MNAT1: variants seen among roughly 807,000 people sequenced by gnomAD.
MNAT1 encodes the protein MNAT1 component of CDK activating kinase, also known as CDK-activating kinase assembly factor MAT1.
A neutral mutation model predicts 42.0 loss-of-function variants in MNAT1; 43 were observed. The ratio of observed to expected loss-of-function variants is 1.02; its 90% CI spans 0.80 to 1.32. The LOEUF (loss-of-function observed/expected upper bound fraction) is 1.32, where lower values mean the gene tolerates loss of function less well. MNAT1 is among the 40% of genes most tolerant of loss of function. The pLI, the probability that MNAT1 is intolerant of heterozygous loss-of-function variation, is 0.00. For synonymous variants in MNAT1, 118 were observed against 120.0 expected (o/e 0.98, Z 0.11); for missense variants, 306 against 350.4 (o/e 0.87, Z 1.01).
intron 7 of MNAT1, among the ~76,000 whole-genome samples, chr14:60,884,706 T>A (rs1158824273): frequency 6.6e-6 from 1 of 152,106 alleles, no homozygotes. Context: ...ATCTTTTAGT[T>A]TTCCTACTTA....
At chr14:60,959,732 G>A (rs563541746) in intron 7 of MNAT1, among the ~76,000 whole-genome samples, 27 of 152,240 alleles carry the variant, frequency 1.8e-4, no homozygotes, top group Middle Eastern at 3.4e-3. Flanking sequence ...CATGGGTAGC[G>A]TCCAATTATT....
intron 1 of MNAT1, among the ~76,000 whole-genome samples, chr14:60,757,586 A>G (rs1207656317): frequency 6.6e-6 from 1 of 152,212 alleles, no homozygotes; most frequent in Non-Finnish European, 1.5e-5. Context: ...AATATCATTC[A>G]TGTTACTCCT....
rs149174954 is a variant in MNAT1 at position 60,827,743 on chromosome 14, T to A, written c.687+8896T>A. 5.1e-3 allele frequency among the ~76,000 whole-genome samples: 783 copies of A among 152,300 alleles called. 14 individuals are homozygous for A. The highest frequency in any genetic ancestry group is 0.018 in the African/African-American group (735 of 41,566). On this transcript the variant is annotated intron_variant, in intron 6 of 7. Coordinates refer to ENST00000261245, the MANE Select transcript of MNAT1 (RefSeq NM_002431.4). ...GATATGCACATAGCATTAATTTGAA[T>A]CTATAAAGGTATTTTGAAATGTAAA...
intron 7 of MNAT1, among the ~76,000 whole-genome samples, chr14:60,957,998 C>T (rs1211733622): frequency 2.0e-5 from 3 of 152,066 alleles, no homozygotes; most frequent in Admixed American, 6.6e-5. Context: ...CCACCACACC[C>T]AGCTAATTTT....
At chr14:60,811,882 G>A (rs559089540) in intron 4 of MNAT1, 105 bp from the exon 5 acceptor site, 1 of 735,366 alleles carries the variant, frequency 1.4e-6, no homozygotes, top group Non-Finnish European at 2.1e-6. Context: ...AATAATAAGT[G>A]ACTAGTGTGT....
chr14:60,813,848 C>A (rs1200196889), intron 5 of MNAT1, among the ~76,000 whole-genome samples: 2 of 152,000 alleles, frequency 1.3e-5, no homozygotes, highest in African/African-American at 4.8e-5. Flanking sequence ...AAAGTGATTT[C>A]CTAGATAAGA....
chr14:60,869,284 G>A lies in MNAT1; in HGVS notation c.688-10430G>A, dbSNP rs1004306710. On this transcript the variant is annotated intron_variant, in intron 6 of 7. Coordinates refer to ENST00000261245, the MANE Select transcript of MNAT1 (RefSeq NM_002431.4). Reference sequence around the variant, plus strand: ...TCAAACTGCTGAGCTCAAGCAATCCGCCTGCCTCGGCCTCCCAAAGTGCTA... The same window carrying A: ...TCAAACTGCTGAGCTCAAGCAATCCACCTGCCTCGGCCTCCCAAAGTGCTA... Among the ~76,000 whole-genome samples, 8 of 150,556 alleles carry A rather than the reference G, an allele frequency of 5.3e-5. No homozygotes were observed. In the East Asian group the frequency reaches 1.6e-3, roughly 29 times the overall value.
At chr14:60,886,843 T>G (rs1269968293) in intron 7 of MNAT1, among the ~76,000 whole-genome samples, 2 of 152,182 alleles carry the variant, frequency 1.3e-5, no homozygotes, top group Admixed American at 6.6e-5. Flanking sequence ...CTTGATTTCC[T>G]ATTTGGATGT....
intron 6 of MNAT1, among the ~76,000 whole-genome samples, chr14:60,827,755 T>C (rs1390872407): frequency 1.3e-5 from 2 of 152,196 alleles, no homozygotes. Flanking sequence ...TATAAAGGTA[T>C]TTTGAAATGT....
chr14:60,815,409 G>A (rs2032680999), intron 5 of MNAT1, among the ~76,000 whole-genome samples: 1 of 152,174 alleles, frequency 6.6e-6, no homozygotes, highest in Non-Finnish European at 1.5e-5. Flanking sequence ...TAGAGATGGG[G>A]TTTCACCATC....
intron 7 of MNAT1, among the ~76,000 whole-genome samples, chr14:60,910,055 G>A (rs1405103322): frequency 7.9e-5 from 12 of 152,206 alleles, no homozygotes; most frequent in South Asian, 4.2e-4. Context: ...TTGTAAGTTG[G>A]ATTCCTAGGT....
intron 1 of MNAT1, among the ~76,000 whole-genome samples, chr14:60,742,535 C>G (rs1896504898): frequency 6.6e-6 from 1 of 152,164 alleles, no homozygotes; most frequent in Non-Finnish European, 1.5e-5. Context: ...GAATATAATT[C>G]ACGTACCATA....
intron 7 of MNAT1, among the ~76,000 whole-genome samples, chr14:60,914,493 T>G (rs1337879001): frequency 2.6e-5 from 4 of 152,128 alleles, no homozygotes; most frequent in Non-Finnish European, 4.4e-5. Context: ...GTGTCTGGAT[T>G]GTTATTTTTA....
intron 3 of MNAT1, among the ~76,000 whole-genome samples, chr14:60,798,928 G>A (rs769935009): frequency 2.6e-4 from 39 of 151,952 alleles, no homozygotes; most frequent in Admixed American, 9.2e-4. Context: ...AAACTTAATA[G>A]GTAACTGTAC....
chr14:60,763,094 C>G (rs573404968), intron 1 of MNAT1, among the ~76,000 whole-genome samples: 1 of 151,958 alleles, frequency 6.6e-6, no homozygotes, highest in Non-Finnish European at 1.5e-5. Context: ...TCATACCTGG[C>G]TTTTTCTCCA....
intron 6 of MNAT1, among the ~76,000 whole-genome samples, chr14:60,860,178 A>AAC (rs1235717610): frequency 6.6e-6 from 1 of 152,132 alleles, no homozygotes. Context: ...TGTAATATTA[A>AAC]ACAACAGTCT....
chr14:60,759,124 A>T (rs1170450306), intron 1 of MNAT1, among the ~76,000 whole-genome samples: 1 of 152,198 alleles, frequency 6.6e-6, no homozygotes, highest in Non-Finnish European at 1.5e-5. Context: ...GTCTCCATTT[A>T]TCTGTTTACA....
chr14:60,808,361 C>G lies in MNAT1; in HGVS notation c.353C>G (p.Thr118Ser). 3 of 1,582,292 alleles carry G rather than the reference C, an allele frequency of 1.9e-6. No homozygotes were observed. The highest frequency in any genetic ancestry group is 2.6e-6 in the Non-Finnish European group (3 of 1,168,280). The change falls in exon 4 of 8, where the codon ACC becomes AGC. Residue 118 changes from threonine (T) to serine (S), a missense_variant. Physicochemically the swap from Thr to Ser is moderately conservative, Grantham distance 58. Coordinates refer to ENST00000261245, the MANE Select transcript of MNAT1 (RefSeq NM_002431.4). ...ACCAACAATGTGGATTTGGACAACACCAAAAAGAAAATGGAGATATACCAA... is the reference window on the plus strand; with the variant it reads ...ACCAACAATGTGGATTTGGACAACAGCAAAAAGAAAATGGAGATATACCAA... ...NLTNNVDLDNTKKKMEIYQKE... is the reference protein window; with the variant it reads ...NLTNNVDLDNSKKKMEIYQKE...
intron 7 of MNAT1, among the ~76,000 whole-genome samples, chr14:60,957,845 T>G (rs185016543): frequency 6.6e-6 from 1 of 151,640 alleles, no homozygotes; most frequent in Non-Finnish European, 1.5e-5. Context: ...ACTTTGATGT[T>G]TTTTTTTTGG....
Sources: gnomAD v4.1 joint callset for allele counts (sites outside exome capture counted in the v4.1 genomes callset) on GRCh38, gnomAD v4.1.1 for gene constraint, MANE v1.5 for transcripts, NCBI Gene and HGNC (gene_info 2026-07-23, HGNC 2026-07-21) for gene names.